The following SCN8A variants were observed in gnomAD, a reference collection of about 807,000 sequenced individuals.
SCN8A encodes sodium channel protein type 8 subunit alpha.
A neutral mutation model predicts 184.1 loss-of-function variants in SCN8A; 30 were observed. The ratio of observed to expected loss-of-function variants is 0.16; its 90% confidence interval spans 0.12 to 0.22. The LOEUF (loss-of-function observed/expected upper bound fraction) is 0.22. SCN8A is among the 10% of genes least tolerant of loss of function. The pLI, the probability that SCN8A is intolerant of heterozygous loss-of-function variation, is 1.00. For missense variants in SCN8A, 1,057 were observed against 2,498.9 expected, an observed-to-expected ratio of 0.42 and a Z score of 12.30; for synonymous variants, 852 against 907.0, an observed-to-expected ratio of 0.94 and a Z score of 1.09.
At chr12:51,649,563 C>T (rs938111393) in intron 1 of SCN8A, among the ~76,000 whole-genome samples, 1 of 152,238 alleles carries the variant, frequency 6.6e-6, no homozygotes, top group Non-Finnish European at 1.5e-5. Flanking sequence ...AGGCTCAACA[C>T]CACATGGAAG....
At chr12:51,782,911 T>A (rs902299453) in intron 21 of SCN8A, among the ~76,000 whole-genome samples, 5 of 152,238 alleles carry the variant, frequency 3.3e-5, no homozygotes, top group Admixed American at 2.0e-4. Flanking sequence ...GAATGAATAA[T>A]CAAAACAGTA....
intron 12 of SCN8A, among the ~76,000 whole-genome samples, chr12:51,728,503 G>A (rs1942189110): frequency 6.6e-6 from 1 of 152,142 alleles, no homozygotes; most frequent in Admixed American, 6.5e-5. Flanking sequence ...GGAGGCTGAG[G>A]CAGGAAAATT....
At chr12:51,717,221 G>A (rs182660776) in intron 11 of SCN8A, among the ~76,000 whole-genome samples, 28 of 152,194 alleles carry the variant, frequency 1.8e-4, no homozygotes, top group African/African-American at 6.0e-4. Flanking sequence ...TCACCTTACC[G>A]TGATCTGATT....
chr12:51,686,967 T>C (rs1016001337), intron 4 of SCN8A, 124 bp from the exon 5 acceptor site: 44 of 911,988 alleles, frequency 4.8e-5, no homozygotes, highest in Admixed American at 9.4e-5. Context: ...TCCTGCTGCA[T>C]TGGCTGTGCC....
intron 11 of SCN8A, chr12:51,712,769 C>T (rs1419456750): frequency 7.6e-6 from 9 of 1,179,960 alleles, no homozygotes; most frequent in Non-Finnish European, 1.1e-5. Context: ...TAACCAGGAC[C>T]ACCAGCATAG....
In SCN8A at chr12:51,705,455, C is replaced by A; in HGVS notation, c.1173C>A (p.Phe391Leu). 6.2e-7 allele frequency: 1 copy of A among 1,613,964 alleles called. No homozygotes were observed. ...RAAGKTYMIFFVLVIFVGSFY... is the reference protein window; with the variant it reads ...RAAGKTYMIFLVLVIFVGSFY... ...CCGGGAAAACATACATGATCTTCTT[C>A]GTCTTGGTCATCTTTGTGGGTTCTT... The change falls in exon 10 of 27, where the codon TTC becomes TTA. Residue 391 changes from phenylalanine (F) to leucine (L), a missense_variant. Coordinates refer to ENST00000627620, the MANE Select transcript of SCN8A (RefSeq NM_001330260.2).
chr12:51,622,116 C>T (rs977451914), intron 1 of SCN8A, among the ~76,000 whole-genome samples: 4 of 152,186 alleles, frequency 2.6e-5, no homozygotes, highest in East Asian at 3.8e-4. Context: ...TAATTTTTCT[C>T]GCTAACTTGA....
chr12:51,626,549 T>C (rs899320695), intron 1 of SCN8A, among the ~76,000 whole-genome samples: 1 of 152,208 alleles, frequency 6.6e-6, no homozygotes, highest in Non-Finnish European at 1.5e-5. Context: ...AAACCATTCA[T>C]TCATTAATTA....
chr12:51,772,252 G>C (rs1035151019), intron 19 of SCN8A, among the ~76,000 whole-genome samples: 1 of 152,034 alleles, frequency 6.6e-6, no homozygotes, highest in Non-Finnish European at 1.5e-5. Context: ...AAAATTAGCC[G>C]GGCATGGTGG....
rs1468088315 is a variant in SCN8A at position 51,809,060 on chromosome 12, G to C, written c.*1631G>C. The C allele has an allele frequency of 1.3e-5, 2 of 152,188 alleles. No individual in the cohort carries two copies. Among genetic ancestry groups the C allele is most frequent in the Non-Finnish European group, 2.9e-5 (2 of 68,030 alleles). The allele number at this position is 152,188 out of a possible 1,614,324, so 9.4% of individuals were successfully genotyped here. A position where few individuals can be genotyped will look rare whatever the true frequency, so the allele number is the denominator to read the frequency against. On this transcript the variant is annotated 3_prime_UTR_variant, in exon 27 of 27. Coordinates refer to ENST00000627620, the MANE Select transcript of SCN8A (RefSeq NM_001330260.2). ...AATATTAATTCTTTAGGATGTTCCAGCTTCCCTCAGTGCATTCCCTTGCAG... is the reference window on the plus strand; with the variant it reads ...AATATTAATTCTTTAGGATGTTCCACCTTCCCTCAGTGCATTCCCTTGCAG...
intron 1 of SCN8A, among the ~76,000 whole-genome samples, chr12:51,608,544 C>T (rs1364849338): frequency 1.3e-5 from 2 of 152,136 alleles, no homozygotes; most frequent in East Asian, 3.9e-4. Flanking sequence ...TTCATAGTAG[C>T]CTTGAATGAT....
chr12:51,801,496 C>A (rs575989809), intron 26 of SCN8A, among the ~76,000 whole-genome samples: 1 of 152,174 alleles, frequency 6.6e-6, no homozygotes, highest in Non-Finnish European at 1.5e-5. Flanking sequence ...GGATCCCTTC[C>A]TCTACATTAA....
rs139844821 is a variant in SCN8A at position 51,709,063 on chromosome 12, G to C, written c.1635+2348G>C. 2.4e-3 allele frequency among the ~76,000 whole-genome samples: 361 copies of C among 152,272 alleles called. 1 individual carries two copies. The highest frequency in any genetic ancestry group is 8.0e-3 in the African/African-American group (332 of 41,556). ...CATGGAGATTCAGTAAAGATTTTCT[G>C]GGAAAGGTAAATTTCTGAACTGAAG... On this transcript the variant is annotated intron_variant, in intron 11 of 26. Transcript: ENST00000627620.
intron 17 of SCN8A, 81 bp from the exon 18 acceptor site, chr12:51,769,787 C>G: frequency 1.1e-6 from 1 of 906,104 alleles, no homozygotes; most frequent in Non-Finnish European, 1.8e-6. Context: ...GCCCCTCATC[C>G]CCACCAGAGG....
intron 3 of SCN8A, 62 bp from the exon 4 acceptor site, chr12:51,686,306 T>G: frequency 2.0e-6 from 2 of 994,560 alleles, no homozygotes; most frequent in Non-Finnish European, 1.6e-6. Context: ...GGAAATGTGT[T>G]TGTTTTTTGA....
chr12:51,600,040 T>C (rs1486403376), intron 1 of SCN8A, among the ~76,000 whole-genome samples: 1 of 152,228 alleles, frequency 6.6e-6, no homozygotes, highest in Admixed American at 6.5e-5. Context: ...TAACAAGCTG[T>C]CTTTATTTCT....
rs34564079 is a variant in SCN8A, at chr12:51,679,721, C to CTTTTTTTTTTTTTTTT, written c.277-4446_277-4431dup. ...TGTGTTTGTCCAAAGACTATCTTGCCTTTTTTTTTTTTTTTTTTTTTTGAG... is the reference window on the plus strand; with the variant it reads ...TGTGTTTGTCCAAAGACTATCTTGCCTTTTTTTTTTTTTTTTTTTTTTTTTTTTTTTTTTTTTTGAG... On this transcript the variant is annotated intron_variant, in intron 2 of 26. Transcript: ENST00000627620. Among the ~76,000 whole-genome samples, 8 of 85,482 alleles carry CTTTTTTTTTTTTTTTT rather than the reference C, an allele frequency of 9.4e-5. 1 individual carries two copies. Among genetic ancestry groups the CTTTTTTTTTTTTTTTT allele is most frequent in the African/African-American group, 3.2e-4 (7 of 22,052 alleles). The allele number at this position is 85,482 out of a possible 152,430, so 56.1% of individuals were successfully genotyped here. A position where few individuals can be genotyped will look rare whatever the true frequency, so the allele number is the denominator to read the frequency against.
chr12:51,783,301 TG>T, intron 21 of SCN8A, among the ~76,000 whole-genome samples: 1 of 152,316 alleles, frequency 6.6e-6, no homozygotes, highest in East Asian at 1.9e-4. Flanking sequence ...TGTTTTTCTA[TG>T]GGGCATTTTT....
chr12:51,794,037 T>C (rs1366412708), intron 25 of SCN8A, among the ~76,000 whole-genome samples: 1 of 151,340 alleles, frequency 6.6e-6, no homozygotes, highest in Non-Finnish European at 1.5e-5. Context: ...TCCCAGCTAC[T>C]CGGGAGACTG....
Sources: allele counts gnomAD v4.1 joint callset (sites outside exome capture counted in the v4.1 genomes callset), GRCh38; gene constraint gnomAD v4.1.1; transcripts MANE v1.5; gene names NCBI Gene and HGNC (gene_info 2026-07-23, HGNC 2026-07-21).